PCNX2: variants seen among roughly 807,000 people sequenced by gnomAD.
The protein encoded by PCNX2 is pecanex-like protein 2.
A neutral mutation model predicts 223.8 loss-of-function variants in PCNX2; 168 were observed. The ratio of observed to expected loss-of-function variants is 0.75; its 90% confidence interval spans 0.66 to 0.85. The LOEUF is 0.85. PCNX2 is among the 40% of genes least tolerant of loss of function. The probability of loss-of-function intolerance (pLI) is 0.00; values close to 1 mark genes in which losing one functional copy is unlikely to be tolerated. For missense variants in PCNX2, 2,507 were observed against 2,675.5 expected, an observed-to-expected ratio of 0.94 and a Z score of 1.39; for synonymous variants, 1,006 against 1,052.6, an observed-to-expected ratio of 0.96 and a Z score of 0.86.
intron 22 of PCNX2, among the ~76,000 whole-genome samples, chr1:233,092,977 T>C (rs1009208775): frequency 6.6e-6 from 1 of 152,116 alleles, no homozygotes; most frequent in Non-Finnish European, 1.5e-5. Flanking sequence ...TTTTTTGTAT[T>C]TTTAGTAGAG....
the PCNX2 span, among the ~76,000 whole-genome samples, chr1:233,314,489 C>T: frequency 1.3e-5 from 2 of 151,910 alleles, no homozygotes; most frequent in Non-Finnish European, 1.5e-5. Context: ...GTTACTTCTA[C>T]GTGGAAAACA....
chr1:233,322,954 A>C, the PCNX2 span, among the ~76,000 whole-genome samples: 6 of 152,000 alleles, frequency 3.9e-5, no homozygotes, highest in South Asian at 1.2e-3. Context: ...CACACCAATA[A>C]ATTACCTTTT....
chr1:233,220,552 T>C (rs973388412), intron 10 of PCNX2, among the ~76,000 whole-genome samples: 10 of 152,204 alleles, frequency 6.6e-5, no homozygotes, highest in Admixed American at 6.5e-4. Flanking sequence ...TTGAATGTCT[T>C]TTCATATGCT....
chr1:233,053,122 C>A (rs1341062269), intron 25 of PCNX2, among the ~76,000 whole-genome samples: 2 of 152,054 alleles, frequency 1.3e-5, no homozygotes, highest in African/African-American at 4.8e-5. Context: ...CCTCCAGAGT[C>A]CCTACATGGT....
chr1:233,051,973 A>G (rs1672022139), intron 25 of PCNX2, among the ~76,000 whole-genome samples: 1 of 152,202 alleles, frequency 6.6e-6, no homozygotes. Context: ...CACTGAAGAC[A>G]CTTATTTCCA....
At chr1:233,033,687 G>A (rs529515956) in intron 25 of PCNX2, among the ~76,000 whole-genome samples, 1 of 152,224 alleles carries the variant, frequency 6.6e-6, no homozygotes, top group Non-Finnish European at 1.5e-5. Context: ...TATGGTTGAA[G>A]TGCAATAAAG....
intron 12 of PCNX2, chr1:233,211,926 G>T: frequency 2.1e-6 from 1 of 470,000 alleles, no homozygotes; most frequent in Non-Finnish European, 2.8e-6. Flanking sequence ...GGAAGGTGTC[G>T]AAAACCCAGA....
chr1:233,082,658 G>GA (rs928782924), intron 23 of PCNX2, among the ~76,000 whole-genome samples: 1 of 151,908 alleles, frequency 6.6e-6, no homozygotes, highest in Non-Finnish European at 1.5e-5. Flanking sequence ...TTGTACTTAA[G>GA]AAAAAAAATT....
chr1:233,110,894 A>G (rs892432075), intron 21 of PCNX2, among the ~76,000 whole-genome samples: 7 of 151,672 alleles, frequency 4.6e-5, no homozygotes, highest in African/African-American at 1.7e-4. Flanking sequence ...CCACACATAT[A>G]CCTTTAAAGG....
chr1:233,096,384 C>T (rs572513400), intron 21 of PCNX2, among the ~76,000 whole-genome samples: 2 of 152,272 alleles, frequency 1.3e-5, no homozygotes, highest in South Asian at 2.1e-4. Flanking sequence ...AAGGAAAAAT[C>T]GAGTTTTGGG....
At chr1:233,242,115 A>C (rs1572137884) in intron 8 of PCNX2, among the ~76,000 whole-genome samples, 1 of 152,324 alleles carries the variant, frequency 6.6e-6, no homozygotes, top group Middle Eastern at 3.4e-3. Context: ...GATTAAGTAC[A>C]GGGCTTCAAT....
At position 233,017,116 on chromosome 1, in the gene PCNX2, G is replaced by A; in HGVS notation, c.4644C>T (p.Leu1548=). 1 of 1,538,738 alleles carries A rather than the reference G, an allele frequency of 6.5e-7. No individual in the cohort carries two copies. Among genetic ancestry groups the A allele is most frequent in the South Asian group, 1.1e-5 (1 of 87,874 alleles). The change falls in exon 27 of 34, where the codon CTC becomes CTT. Residue 1548 remains leucine, a synonymous_variant. Transcript: ENST00000258229. The stretch of plus-strand genomic sequence containing the variant: ...GAAGTGATTCATTTTTGATCCAGGA[G>A]AGGAGTTTGGGAGACGTTACCATAT... ...IYYMVTSPKL[L]SWIKNESLLK... is the part of the protein sequence containing the mutation.
At chr1:233,297,515 A>G (rs926224325), upstream of PCNX2, among the ~76,000 whole-genome samples, 5 of 152,226 alleles carry the variant, frequency 3.3e-5, no homozygotes, top group African/African-American at 9.6e-5. Flanking sequence ...GGTGGTGTCA[A>G]TAAGCACCAG....
intron 19 of PCNX2, among the ~76,000 whole-genome samples, chr1:233,155,138 G>A (rs111404804): frequency 0.053 from 8,080 of 151,502 alleles, 621 homozygotes; most frequent in African/African-American, 0.17. Context: ...GAGTGCGGTG[G>A]CTATTCAATA....
rs1225928242 is a variant in PCNX2, at chr1:233,204,348, G to A, written c.2864-4084C>T. On this transcript the variant is annotated intron_variant, in intron 13 of 33. Transcript: ENST00000258229. ...GGACTTCTGGCCTCCAGAACTGCAA[G>A]ACAATAATCTTCTGTTGTTCTAAGC... 3.3e-5 allele frequency among the ~76,000 whole-genome samples: 5 copies of A among 152,160 alleles called. 1 individual carries two copies. The highest frequency in any genetic ancestry group is 9.7e-5 in the African/African-American group (4 of 41,442).
At chr1:233,031,342 C>A (rs1209076706) in intron 25 of PCNX2, among the ~76,000 whole-genome samples, 1 of 152,202 alleles carries the variant, frequency 6.6e-6, no homozygotes, top group Non-Finnish European at 1.5e-5. Context: ...TCTGGGATCT[C>A]ATATCATTAT....
chr1:233,041,739 T>A (rs1671652303), intron 25 of PCNX2, among the ~76,000 whole-genome samples: 1 of 152,240 alleles, frequency 6.6e-6, no homozygotes, highest in African/African-American at 2.4e-5. Context: ...GACACAGTAT[T>A]TATTCACTAT....
intron 21 of PCNX2, among the ~76,000 whole-genome samples, chr1:233,130,465 T>TTTTGTGTG (rs371590186): frequency 7.3e-6 from 1 of 136,384 alleles, no homozygotes; most frequent in African/African-American, 2.8e-5. Context: ...CCCCCAACTT[T>TTTTGTGTG]TGTGTGTGTG....
intron 28 of PCNX2, among the ~76,000 whole-genome samples, chr1:233,004,774 T>A (rs1670220820): frequency 6.6e-6 from 1 of 152,196 alleles, no homozygotes; most frequent in Admixed American, 6.5e-5. Context: ...AATGTACCAC[T>A]ATCATTAATA....
Sources: allele counts gnomAD v4.1 joint callset (sites outside exome capture counted in the v4.1 genomes callset), GRCh38; gene constraint gnomAD v4.1.1; transcripts MANE v1.5; gene names NCBI Gene and HGNC (gene_info 2026-07-23, HGNC 2026-07-21).